The following DNAJC5 variants were observed in gnomAD, a reference collection of about 807,000 sequenced individuals.
DNAJC5 encodes the protein DnaJ heat shock protein family (Hsp40) member C5.
Under a neutral mutation model 23.2 loss-of-function variants are expected in DNAJC5, and 1 was observed. The observed-to-expected ratio is 0.04, with a 90% CI of 0.02 to 0.20. The LOEUF is 0.20. Ranked by LOEUF, DNAJC5 falls within the 10% of genes least tolerant of loss-of-function variation. The pLI is 1.00. For synonymous variants in DNAJC5, 136 were observed against 120.0 expected (o/e 1.13, Z -0.87); for missense variants, 180 against 267.0 (o/e 0.67, Z 2.27).
chr20:63,911,930 A>G (rs2053485149), intron 1 of DNAJC5, among the ~76,000 whole-genome samples: 1 of 151,970 alleles, frequency 6.6e-6, no homozygotes, highest in Admixed American at 6.6e-5. Context: ...TCCCCACCTC[A>G]GCCTTCCAAA....
chr20:63,900,576 C>CAAAAA (rs752326573), intron 1 of DNAJC5, among the ~76,000 whole-genome samples: 3,197 of 65,156 alleles, frequency 0.049, 182 homozygotes, highest in Non-Finnish European at 0.071. Context: ...GACACTGTCT[C>CAAAAA]AAAAAAAAAA....
intron 1 of DNAJC5, among the ~76,000 whole-genome samples, chr20:63,907,221 T>C (rs1004975535): frequency 2.0e-5 from 3 of 152,210 alleles, no homozygotes; most frequent in African/African-American, 7.2e-5. Context: ...AAATGGATGC[T>C]GAGAATCAGT....
intron 1 of DNAJC5, among the ~76,000 whole-genome samples, chr20:63,897,533 A>G (rs142460599): frequency 2.0e-5 from 3 of 152,230 alleles, no homozygotes; most frequent in Non-Finnish European, 4.4e-5. Context: ...GCCACACTGC[A>G]CTCCAGCCTG....
chr20:63,920,447 C>T lies in DNAJC5; in HGVS notation c.-11-7888C>T, dbSNP rs1291639630. Among the ~76,000 whole-genome samples the T allele has an allele frequency of 6.6e-6, 1 of 152,196 alleles. No homozygotes were observed. The highest frequency in any genetic ancestry group is 2.4e-5 in the African/African-American group (1 of 41,454). ...GGGGATGCCCGCCATGCGGGGGCCT[C>T]AGGCTACAGCCAGGGCTGTGAAGGA... On this transcript the variant is annotated intron_variant, in intron 1 of 4. Transcript: ENST00000360864. This position sits in a 1 kb window ranked among gnomAD's most constrained non-coding sequence, Gnocchi z 4.6.
Position 63,928,087 on chromosome 20 carries a change from C to T in DNAJC5, c.-11-248C>T, listed in dbSNP as rs1372330841. ...GCCTCAGCCTCCCAAAATGCTGGGA[C>T]TACAGGTGTGAGCCCCTGTGCCGGC... On this transcript the variant is annotated intron_variant, in intron 1 of 4. Transcript: ENST00000360864. The surrounding 1 kb of genome is among the most constrained non-coding windows in gnomAD (Gnocchi z 4.6). Among the ~76,000 whole-genome samples the T allele has an allele frequency of 1.3e-5, 2 of 152,182 alleles. No individual in the cohort carries two copies.
At chr20:63,901,228 G>T (rs1232523539) in intron 1 of DNAJC5, among the ~76,000 whole-genome samples, 2 of 152,340 alleles carry the variant, frequency 1.3e-5, no homozygotes, top group Middle Eastern at 3.4e-3. Flanking sequence ...GCCTCCCAAG[G>T]TGCTGGGTTT....
intron 1 of DNAJC5, among the ~76,000 whole-genome samples, chr20:63,913,146 T>C (rs958917084): frequency 2.5e-5 from 2 of 79,840 alleles, no homozygotes; most frequent in Non-Finnish European, 4.3e-5. Context: ...TTCCCTGTGC[T>C]GTGTCATGCC....
rs532255551 is a variant in DNAJC5, at chr20:63,910,695, C to T, written c.-12+15372C>T. On this transcript the variant is annotated intron_variant, in intron 1 of 4. Transcript: ENST00000360864. ...TGTTTTTTTTTTTTTTTAATTGAGA[C>T]AGAGTCTGACTCTGTCGCCCAGGCT... Among the ~76,000 whole-genome samples the T allele has an allele frequency of 3.0e-3, 442 of 148,936 alleles. 2 individuals are homozygous for T. Among genetic ancestry groups the T allele is most frequent in the Admixed American group, 5.6e-3 (83 of 14,904 alleles).
At chr20:63,905,609 C>T (rs1376365162) in intron 1 of DNAJC5, among the ~76,000 whole-genome samples, 1 of 151,550 alleles carries the variant, frequency 6.6e-6, no homozygotes, top group African/African-American at 2.4e-5. Flanking sequence ...CTCTTGTCAC[C>T]CAGGCTGGAG....
chr20:63,906,611 C>T (rs535291334), intron 1 of DNAJC5, among the ~76,000 whole-genome samples: 3 of 151,904 alleles, frequency 2.0e-5, no homozygotes, highest in East Asian at 1.9e-4. Flanking sequence ...GATGAAACCC[C>T]GTCTCTACTA....
At chr20:63,906,214 C>A (rs762988505) in intron 1 of DNAJC5, among the ~76,000 whole-genome samples, 4 of 151,974 alleles carry the variant, frequency 2.6e-5, no homozygotes, top group Non-Finnish European at 5.9e-5. Flanking sequence ...GGGCCAGGCA[C>A]GGTGGCTCAC....
At chr20:63,902,427 G>A (rs1319690760) in intron 1 of DNAJC5, among the ~76,000 whole-genome samples, 10 of 138,348 alleles carry the variant, frequency 7.2e-5, no homozygotes, top group African/African-American at 2.5e-4. Context: ...GGAGTGCAAC[G>A]GTGTGATCTT....
At chr20:63,930,825 G>GCAA (rs752263627) in intron 3 of DNAJC5, 26 bp from the exon 4 acceptor site, 1 of 1,611,424 alleles carries the variant, frequency 6.2e-7, no homozygotes, top group South Asian at 1.1e-5. Context: ...CGGAGGCCAT[G>GCAA]CAACACCACC....
At chr20:63,918,795 T>C (rs891251877) in intron 1 of DNAJC5, among the ~76,000 whole-genome samples, 2 of 152,158 alleles carry the variant, frequency 1.3e-5, no homozygotes, top group Non-Finnish European at 2.9e-5. Flanking sequence ...GGGGTTTCAC[T>C]GTGTTAGCCA....
chr20:63,895,373 G>C (rs2053367116), intron 1 of DNAJC5, 50 bp downstream of exon 1: 1 of 146,822 alleles, frequency 6.8e-6, no homozygotes, highest in African/African-American at 2.4e-5. Flanking sequence ...TCAGGCCCGG[G>C]CAGGCGGGCG....
chr20:63,904,541 A>C (rs1185377424), intron 1 of DNAJC5, among the ~76,000 whole-genome samples: 1 of 152,122 alleles, frequency 6.6e-6, no homozygotes, highest in Non-Finnish European at 1.5e-5. Context: ...GCTGCCTCTT[A>C]GTGTGTCTGA....
chr20:63,931,249 G>A lies in DNAJC5; in HGVS notation c.494-216G>A, dbSNP rs1308755206. On this transcript the variant is annotated intron_variant, in intron 4 of 4. Transcript: ENST00000360864. The surrounding 1 kb of genome is among the most constrained non-coding windows in gnomAD (Gnocchi z 9.6). ...TAGCCGTAGATCCCAGGGACTGCGA[G>A]GCGGGGCAGGGCGGCAGGCAGTTGG... 1.3e-6 allele frequency: 1 copy of A among 775,128 alleles called. No individual in the cohort carries two copies. The highest frequency in any genetic ancestry group is 1.5e-5 in the South Asian group (1 of 67,268). 48.0% of individuals were successfully genotyped at this position (775,128 alleles called of 1,614,324 possible). A position where few individuals can be genotyped will look rare whatever the true frequency, so the allele number is the denominator to read the frequency against.
intron 1 of DNAJC5, among the ~76,000 whole-genome samples, chr20:63,900,748 C>T (rs182716848): frequency 2.0e-5 from 3 of 152,274 alleles, no homozygotes; most frequent in East Asian, 3.9e-4. Context: ...TTATTCTTGA[C>T]ATATTAAACC....
intron 1 of DNAJC5, among the ~76,000 whole-genome samples, chr20:63,909,270 C>T (rs2053466600): frequency 6.6e-6 from 1 of 151,532 alleles, no homozygotes; most frequent in Non-Finnish European, 1.5e-5. Flanking sequence ...GAGGCCGAGG[C>T]GGGCGGATCC....
Sources: gnomAD v4.1 joint callset for allele counts (sites outside exome capture counted in the v4.1 genomes callset) on GRCh38, gnomAD v4.1.1 for gene constraint, Gnocchi (gnomAD v3.1) non-coding constraint, MANE v1.5 for transcripts, NCBI Gene and HGNC (gene_info 2026-07-23, HGNC 2026-07-21) for gene names.